The following GPC5 variants were observed in gnomAD, a reference collection of about 807,000 sequenced individuals.
GPC5 encodes glypican 5, also known as glypican-5.
Under a neutral mutation model 53.9 loss-of-function variants are expected in GPC5, and 47 were observed. The ratio of observed to expected loss-of-function variants is 0.87; its 90% CI spans 0.69 to 1.11. GPC5 has a LOEUF of 1.11. GPC5 is among the 50% of genes most tolerant of loss of function. GPC5 has a pLI of 0.00. For missense variants in GPC5, 748 were observed against 713.1 expected, an observed-to-expected ratio of 1.05 and a Z score of -0.56; for synonymous variants, 286 against 263.3, an observed-to-expected ratio of 1.09 and a Z score of -0.84.
intron 6 of GPC5, among the ~76,000 whole-genome samples, chr13:92,064,670 T>C (rs1026364630): frequency 2.0e-5 from 3 of 150,228 alleles, no homozygotes; most frequent in Non-Finnish European, 4.4e-5. Flanking sequence ...GGCAGGAGAA[T>C]TGCTTGAACC....
intron 6 of GPC5, among the ~76,000 whole-genome samples, chr13:92,142,480 A>G (rs975682308): frequency 2.0e-5 from 3 of 152,212 alleles, no homozygotes; most frequent in African/African-American, 4.8e-5. Context: ...GACATTTCCT[A>G]GAATGTCACT....
At chr13:92,794,298 A>G (rs1050590340) in intron 7 of GPC5, among the ~76,000 whole-genome samples, 1 of 152,162 alleles carries the variant, frequency 6.6e-6, no homozygotes, top group African/African-American at 2.4e-5. Context: ...GATTATCTCA[A>G]TAGATGGAGA....
At chr13:92,337,173 T>C (rs1212558691) in intron 7 of GPC5, among the ~76,000 whole-genome samples, 2 of 146,556 alleles carry the variant, frequency 1.4e-5, no homozygotes, top group African/African-American at 2.6e-5. Context: ...AAAAATACAA[T>C]GCCATTTATG....
chr13:92,513,967 A>G (rs1880675874), intron 7 of GPC5, among the ~76,000 whole-genome samples: 1 of 152,158 alleles, frequency 6.6e-6, no homozygotes, highest in African/African-American at 2.4e-5. Context: ...AGATCTTCAG[A>G]TTAAAGCTGC....
chr13:92,467,045 C>A (rs1878719456), intron 7 of GPC5, among the ~76,000 whole-genome samples: 1 of 152,088 alleles, frequency 6.6e-6, no homozygotes, highest in African/African-American at 2.4e-5. Flanking sequence ...ACGAGGCCTC[C>A]ATTTCCCAAA....
chr13:92,822,014 T>C (rs967783637), intron 7 of GPC5, among the ~76,000 whole-genome samples: 2 of 152,140 alleles, frequency 1.3e-5, no homozygotes, highest in African/African-American at 4.8e-5. Flanking sequence ...TATTTTAGTA[T>C]GTATTACAGA....
At chr13:91,508,862 G>T (rs1002904136) in intron 2 of GPC5, among the ~76,000 whole-genome samples, 1 of 152,130 alleles carries the variant, frequency 6.6e-6, no homozygotes, top group Non-Finnish European at 1.5e-5. Flanking sequence ...GGCAGCTGAG[G>T]ATCTGGGCTG....
At chr13:91,831,276 G>T (rs892775714) in intron 5 of GPC5, among the ~76,000 whole-genome samples, 1 of 151,400 alleles carries the variant, frequency 6.6e-6, no homozygotes, top group African/African-American at 2.4e-5. Flanking sequence ...GAAAGATGCA[G>T]GCTGGGAGGC....
chr13:91,530,724 A>T (rs1886303291), intron 2 of GPC5, among the ~76,000 whole-genome samples: 1 of 152,214 alleles, frequency 6.6e-6, no homozygotes, highest in Admixed American at 6.5e-5. Flanking sequence ...TCCCTAAATG[A>T]TGTGAATAAC....
At chr13:91,871,509 G>T (rs558257493) in intron 5 of GPC5, among the ~76,000 whole-genome samples, 5 of 151,988 alleles carry the variant, frequency 3.3e-5, no homozygotes, top group African/African-American at 1.2e-4. Context: ...TAAAAAAAAG[G>T]TTAAAAAAAG....
At chr13:92,312,144 G>A (rs2043149084) in intron 7 of GPC5, among the ~76,000 whole-genome samples, 1 of 152,102 alleles carries the variant, frequency 6.6e-6, no homozygotes, top group African/African-American at 2.4e-5. Context: ...AGGTTACATG[G>A]GCCTTGGTGA....
In GPC5 at chr13:92,245,470, T is replaced by A. The variant is rs541226137; in HGVS notation, c.1561+100481T>A. Among the ~76,000 whole-genome samples the A allele has an allele frequency of 6.2e-4, 95 of 152,324 alleles. 2 individuals are homozygous for A. The South Asian group carries it at 0.018, about 30-fold the overall frequency. On this transcript the variant is annotated intron_variant, in intron 7 of 7. Transcript: ENST00000377067. ...TAATCTGTTTTATTCACTATTATAT[T>A]CCTAATAACTAGTGTGGTACCTACT... is the stretch of plus-strand genomic sequence containing the variant.
intron 7 of GPC5, among the ~76,000 whole-genome samples, chr13:92,459,821 C>G (rs1878411395): frequency 6.6e-6 from 1 of 151,988 alleles, no homozygotes; most frequent in Admixed American, 6.6e-5. Context: ...CAGCTTGTCT[C>G]TCTAGCTTAA....
At chr13:92,295,687 A>G (rs1196765784) in intron 7 of GPC5, among the ~76,000 whole-genome samples, 1 of 152,194 alleles carries the variant, frequency 6.6e-6, no homozygotes, top group African/African-American at 2.4e-5. Context: ...TCTGTTGGAC[A>G]AGGCCTTTTA....
At chr13:91,822,322 C>T (rs570154810) in intron 5 of GPC5, among the ~76,000 whole-genome samples, 1 of 152,278 alleles carries the variant, frequency 6.6e-6, no homozygotes, top group South Asian at 2.1e-4. Context: ...ACACTCTTTG[C>T]TCTTTGGAAG....
chr13:92,449,965 T>C (rs182850302), intron 7 of GPC5, among the ~76,000 whole-genome samples: 17 of 152,254 alleles, frequency 1.1e-4, no homozygotes, highest in Admixed American at 3.9e-4. Flanking sequence ...ATCTTAAGTA[T>C]ATTTTTGTTA....
chr13:92,247,751 A>G (rs548550172), intron 7 of GPC5, among the ~76,000 whole-genome samples: 2 of 152,234 alleles, frequency 1.3e-5, no homozygotes, highest in Admixed American at 1.3e-4. Flanking sequence ...ACTACCATAT[A>G]ATAGAATACT....
At chr13:92,640,039 GC>G (rs1283402403) in intron 7 of GPC5, among the ~76,000 whole-genome samples, 1 of 150,796 alleles carries the variant, frequency 6.6e-6, no homozygotes, top group African/African-American at 2.4e-5. Flanking sequence ...GCTGAAATTG[GC>G]ACCTAAGTCA....
intron 6 of GPC5, among the ~76,000 whole-genome samples, chr13:92,046,616 T>G (rs1202867841): frequency 6.6e-6 from 1 of 152,246 alleles, no homozygotes; most frequent in Non-Finnish European, 1.5e-5. Flanking sequence ...AAAACTTTTA[T>G]CTTCTTACTT....
Sources: gnomAD v4.1 joint callset for allele counts (sites outside exome capture counted in the v4.1 genomes callset) on GRCh38, gnomAD v4.1.1 for gene constraint, MANE v1.5 for transcripts, NCBI Gene and HGNC (gene_info 2026-07-23, HGNC 2026-07-21) for gene names.